SPINK5: variants seen among roughly 807,000 people sequenced by gnomAD.
The protein encoded by SPINK5 is serine protease inhibitor Kazal-type 5.
Under a neutral mutation model 151.8 loss-of-function variants are expected in SPINK5, and 125 were observed. The observed-to-expected ratio is 0.82, with a 90% confidence interval of 0.71 to 0.96. The LOEUF is 0.96. Ranked by LOEUF, SPINK5 falls within the 40% of genes least tolerant of loss-of-function variation. The pLI, the probability that SPINK5 is intolerant of heterozygous loss-of-function variation, is 0.00. For missense variants in SPINK5, 1,194 were observed against 1,291.9 expected, an observed-to-expected ratio of 0.92 and a Z score of 1.16; for synonymous variants, 374 against 395.3, an observed-to-expected ratio of 0.95 and a Z score of 0.64.
At chr5:148,125,890 G>A in intron 29 of SPINK5, 40 bp downstream of exon 29, 1 of 1,613,990 alleles carries the variant, frequency 6.2e-7, no homozygotes, top group Non-Finnish European at 8.5e-7. Context: ...GCTAGCAGGG[G>A]AACTGCATTT....
At chr5:148,082,246 T>C (rs903207564) in intron 4 of SPINK5, among the ~76,000 whole-genome samples, 4 of 151,532 alleles carry the variant, frequency 2.6e-5, no homozygotes, top group African/African-American at 9.7e-5. Context: ...TTATGTTTGT[T>C]CCTGTTCATT....
rs778902700 is a variant in SPINK5 at position 148,064,035 on chromosome 5, C to T, written c.-10C>T. The stretch of plus-strand genomic sequence containing the variant: ...GAGTGGACCTGTAGGCGACTTGCAT[C>T]GTCTTCAACATGAAGATAGCCACAG... On this transcript the variant is annotated 5_prime_UTR_variant, in exon 1 of 33. Transcript: ENST00000256084. The T allele has an allele frequency of 9.9e-6, 16 of 1,614,094 alleles. No homozygotes were observed. The highest frequency in any genetic ancestry group is 3.3e-4 in the Middle Eastern group (2 of 6,060).
intron 4 of SPINK5, among the ~76,000 whole-genome samples, chr5:148,076,750 T>G (rs918622355): frequency 2.0e-5 from 3 of 151,692 alleles, no homozygotes; most frequent in Non-Finnish European, 4.4e-5. Flanking sequence ...ATAAAAACTT[T>G]CAATGAAAAG....
chr5:148,066,192 G>A (rs1413620996), intron 2 of SPINK5, among the ~76,000 whole-genome samples: 1 of 152,048 alleles, frequency 6.6e-6, no homozygotes, highest in African/African-American at 2.4e-5. Flanking sequence ...ACGCAAGAAG[G>A]TGCTTTACCA....
chr5:148,136,594 A>G (rs1302887157), intron 32 of SPINK5, among the ~76,000 whole-genome samples: 1 of 152,224 alleles, frequency 6.6e-6, no homozygotes, highest in African/African-American at 2.4e-5. Flanking sequence ...TATAGTAGAA[A>G]AACATTCGTA....
chr5:148,098,056 C>A, intron 11 of SPINK5, 62 bp downstream of exon 11: 1 of 1,499,034 alleles, frequency 6.7e-7, no homozygotes, highest in Non-Finnish European at 9.2e-7. Flanking sequence ...TTAATAGAAA[C>A]AGCTTCTTTC....
chr5:148,075,940 A>G (rs1174614151), intron 4 of SPINK5, among the ~76,000 whole-genome samples: 1 of 151,776 alleles, frequency 6.6e-6, no homozygotes, highest in Non-Finnish European at 1.5e-5. Flanking sequence ...CACCAAGGGT[A>G]AGGAAAATGG....
chr5:148,096,230 A>T (rs1753456990), intron 10 of SPINK5, among the ~76,000 whole-genome samples: 1 of 151,980 alleles, frequency 6.6e-6, no homozygotes, highest in Admixed American at 6.6e-5. Flanking sequence ...TGTGGTAGCT[A>T]TTGTGAAGGT....
At position 148,105,710 on chromosome 5, in the gene SPINK5, G is replaced by A. The variant is rs190933204; in HGVS notation, c.1479+710G>A. Among the ~76,000 whole-genome samples the A allele has an allele frequency of 2.7e-4, 41 of 151,954 alleles. No individual in the cohort carries two copies. In the East Asian group the frequency reaches 4.8e-3, roughly 18 times the overall value. On this transcript the variant is annotated intron_variant, in intron 16 of 32. Coordinates refer to ENST00000256084, the MANE Select transcript of SPINK5 (RefSeq NM_006846.4). ...GGGCTCACTGTAACCTCTGCCGCCC[G>A]GGTTCAAGTGATTCTCCTGCCTCAG...
Position 148,097,991 on chromosome 5 carries a change from A to G in SPINK5, c.1007A>G (p.Tyr336Cys), listed in dbSNP as rs745680170. 2 of 1,611,352 alleles carry G rather than the reference A, an allele frequency of 1.2e-6. No individual in the cohort carries two copies. Among genetic ancestry groups the G allele is most frequent in the South Asian group, 1.1e-5 (1 of 91,032 alleles). Residue 336 changes from tyrosine to cysteine, a missense_variant, in exon 11 of 33, where the codon TAC becomes TGC. Physicochemically the swap from Tyr to Cys is radical, Grantham distance 194. Transcript: ENST00000256084. ...AACTTGTGTTCCATGTGTCAAGCCT[A>G]CTTGTGAGTATAGAGTTTTAGAATG... ...HGNLCSMCQA[Y>C]FQAENEEKKK... is the part of the protein sequence containing the mutation.
At chr5:148,131,430 A>G in intron 31 of SPINK5, 41 bp downstream of exon 31, 1 of 1,612,772 alleles carries the variant, frequency 6.2e-7, no homozygotes, top group Non-Finnish European at 8.5e-7. Context: ...CCAGTTTAGA[A>G]TTTCTCAGCT....
intron 32 of SPINK5, among the ~76,000 whole-genome samples, chr5:148,136,709 ACTT>A (rs1322342042): frequency 2.0e-5 from 3 of 152,318 alleles, no homozygotes; most frequent in Non-Finnish European, 4.4e-5. Flanking sequence ...AATGACACCT[ACTT>A]CTTTTTTATC....
chr5:148,066,586 A>G (rs550010469), intron 2 of SPINK5, among the ~76,000 whole-genome samples: 2 of 152,244 alleles, frequency 1.3e-5, no homozygotes, highest in South Asian at 4.1e-4. Context: ...CTACTATTTC[A>G]TCTAAGTTTA....
Position 148,136,874 on chromosome 5 carries a change from A to G in SPINK5, c.3187-109A>G, listed in dbSNP as rs945511703. ...TTTTAAATTGCTACTTCTTTGCAGAATGCAGGATCTATGGATTTCTTTGAT... is the reference window on the plus strand; with the variant it reads ...TTTTAAATTGCTACTTCTTTGCAGAGTGCAGGATCTATGGATTTCTTTGAT... On this transcript the variant is annotated intron_variant, in intron 32 of 32. Coordinates refer to ENST00000256084, the MANE Select transcript of SPINK5 (RefSeq NM_006846.4). The G allele has an allele frequency of 5.7e-6, 8 of 1,398,120 alleles. No individual in the cohort carries two copies. The African/African-American group carries it at 1.0e-4, about 17-fold the overall frequency. The allele number at this position is 1,398,120 out of a possible 1,614,324, so 86.6% of individuals were successfully genotyped here.
chr5:148,084,376 A>G (rs574245291), intron 4 of SPINK5, among the ~76,000 whole-genome samples: 1 of 151,788 alleles, frequency 6.6e-6, no homozygotes, highest in East Asian at 2.0e-4. Context: ...TCAGGAATCT[A>G]TCTGTAAGGT....
At chr5:148,094,159 G>A (rs1052101305) in intron 8 of SPINK5, among the ~76,000 whole-genome samples, 195 bp from the exon 9 acceptor site, 1 of 151,838 alleles carries the variant, frequency 6.6e-6, no homozygotes, top group Non-Finnish European at 1.5e-5. Context: ...AGCCGGGTGT[G>A]GTGGTGCATG....
At chr5:148,074,093 A>T (rs762078771) in intron 4 of SPINK5, among the ~76,000 whole-genome samples, 22 of 151,642 alleles carry the variant, frequency 1.5e-4, no homozygotes, top group Non-Finnish European at 2.8e-4. Flanking sequence ...TTTTCTCTCC[A>T]CTATAAAACA....
Position 148,094,420 on chromosome 5 carries a change from C to G in SPINK5, c.733C>G (p.Pro245Ala). The change falls in exon 9 of 33, where the codon CCA becomes GCA. Residue 245 changes from proline to alanine, a missense_variant. Physicochemically the swap from Pro to Ala is conservative, Grantham distance 27. Coordinates refer to ENST00000256084, the MANE Select transcript of SPINK5 (RefSeq NM_006846.4). Reference protein sequence around the residue: ...GRLFCTRESDPVRGPDGRMHG... With the variant: ...GRLFCTRESDAVRGPDGRMHG... ...GCTTTTTTGTACACGGGAGAGTGAT[C>G]CAGTCCGTGGCCCTGACGGCAGGAT... is the stretch of plus-strand genomic sequence containing the variant. 2 of 1,612,818 alleles carry G rather than the reference C, an allele frequency of 1.2e-6. No individual in the cohort carries two copies. Among genetic ancestry groups the G allele is most frequent in the Non-Finnish European group, 1.7e-6 (2 of 1,179,162 alleles).
At chr5:148,113,363 CA>C (rs1753995654) in intron 20 of SPINK5, among the ~76,000 whole-genome samples, 1 of 152,152 alleles carries the variant, frequency 6.6e-6, no homozygotes, top group South Asian at 2.1e-4. Flanking sequence ...GTATGAGTAT[CA>C]GTACCAATAG....
Sources: allele counts gnomAD v4.1 joint callset (sites outside exome capture counted in the v4.1 genomes callset), GRCh38; gene constraint gnomAD v4.1.1; transcripts MANE v1.5; gene names NCBI Gene and HGNC (gene_info 2026-07-23, HGNC 2026-07-21).